Variants in ZNF609 observed in about 807,000 individuals in gnomAD.
ZNF609 encodes the protein zinc finger protein 609.
A neutral mutation model predicts 109.5 loss-of-function variants in ZNF609; 11 were observed. The observed-to-expected ratio is 0.10, with a 90% CI of 0.06 to 0.17. ZNF609 has a LOEUF of 0.17. ZNF609 is among the 10% of genes least tolerant of loss of function. The probability of loss-of-function intolerance (pLI) is 1.00; values close to 1 mark genes in which losing one functional copy is unlikely to be tolerated. For missense variants in ZNF609, 1,559 were observed against 1,772.4 expected, an observed-to-expected ratio of 0.88 and a Z score of 2.16; for synonymous variants, 646 against 662.0, an observed-to-expected ratio of 0.98 and a Z score of 0.37.
At chr15:64,468,417 G>A (rs1376432514) in intron 1 of ZNF609, among the ~76,000 whole-genome samples, 1 of 151,596 alleles carries the variant, frequency 6.6e-6, no homozygotes, top group Non-Finnish European at 1.5e-5. Context: ...CACCACACCT[G>A]GCTAATTTTT....
chr15:64,638,013 T>A (rs949577559), intron 3 of ZNF609, among the ~76,000 whole-genome samples: 1 of 139,854 alleles, frequency 7.2e-6, no homozygotes, highest in African/African-American at 2.6e-5. Flanking sequence ...TATATATATA[T>A]ATAAAATATA....
chr15:64,587,413 A>AT (rs1323792888), intron 2 of ZNF609, among the ~76,000 whole-genome samples: 58 of 152,016 alleles, frequency 3.8e-4, no homozygotes, highest in Admixed American at 9.2e-4. Context: ...GCTTCAGTAC[A>AT]TTTTTTTTCA....
chr15:64,546,793 T>C (rs1232047888), intron 2 of ZNF609, among the ~76,000 whole-genome samples: 3 of 143,796 alleles, frequency 2.1e-5, no homozygotes, highest in South Asian at 2.3e-4. Flanking sequence ...ATGTTTCTTT[T>C]TTTTTTTTTT....
rs776371058 is a variant in ZNF609, at chr15:64,674,726, T to C, written c.1872T>C (p.Phe624=). 1 of 1,614,156 alleles carries C rather than the reference T, an allele frequency of 6.2e-7. No individual in the cohort carries two copies. Among genetic ancestry groups the C allele is most frequent in the South Asian group, 1.1e-5 (1 of 91,076 alleles). The stretch of plus-strand genomic sequence containing the variant: ...TGGATGAAACAAGCAATGATGCCTT[T>C]GATTCTTTAGAAAGGAAGTGTATGG... ...SVMDETSNDA[F]DSLERKCMEK... is the part of the protein sequence containing the mutation. Residue 624 remains phenylalanine, a synonymous_variant, in exon 5 of 10, where the codon TTT becomes TTC. Coordinates refer to ENST00000326648, the MANE Select transcript of ZNF609 (RefSeq NM_015042.2).
At chr15:64,598,574 A>C (rs185861507) in intron 2 of ZNF609, among the ~76,000 whole-genome samples, 9 of 151,742 alleles carry the variant, frequency 5.9e-5, no homozygotes, top group African/African-American at 2.2e-4. Context: ...GCTCCATCAT[A>C]CTTTTTCCTT....
At chr15:64,462,202 A>G (rs1052617503) in intron 1 of ZNF609, among the ~76,000 whole-genome samples, 4 of 152,188 alleles carry the variant, frequency 2.6e-5, no homozygotes, top group South Asian at 4.1e-4. Context: ...GTGAGGAACA[A>G]TGCAGAGCTC....
At chr15:64,484,789 C>A (rs890477761) in intron 1 of ZNF609, among the ~76,000 whole-genome samples, 1 of 149,588 alleles carries the variant, frequency 6.7e-6, no homozygotes, top group African/African-American at 2.5e-5. Flanking sequence ...TCCTGGCCAA[C>A]ATGGTGAAAC....
chr15:64,588,949 C>T (rs1347330837), intron 2 of ZNF609, among the ~76,000 whole-genome samples: 1 of 152,046 alleles, frequency 6.6e-6, no homozygotes, highest in African/African-American at 2.4e-5. Flanking sequence ...TGTCTGTGGC[C>T]CTCAGTCTTA....
intron 1 of ZNF609, among the ~76,000 whole-genome samples, chr15:64,482,911 A>G (rs1490897514): frequency 6.6e-6 from 1 of 152,210 alleles, no homozygotes. Flanking sequence ...CTAGGTCTAC[A>G]GTCCCTTCGG....
At chr15:64,503,254 G>C (rs1893587479) in intron 2 of ZNF609, among the ~76,000 whole-genome samples, 1 of 152,168 alleles carries the variant, frequency 6.6e-6, no homozygotes, top group African/African-American at 2.4e-5. Flanking sequence ...TTCTAGGAGA[G>C]ACCAGAGATG....
At chr15:64,556,530 T>C (rs1028197811) in intron 2 of ZNF609, among the ~76,000 whole-genome samples, 5 of 152,188 alleles carry the variant, frequency 3.3e-5, no homozygotes, top group African/African-American at 4.8e-5. Context: ...CTATTTGCAT[T>C]TTATAGATGA....
intron 1 of ZNF609, among the ~76,000 whole-genome samples, chr15:64,468,649 C>G (rs759801475): frequency 5.7e-4 from 86 of 152,058 alleles, no homozygotes; most frequent in Non-Finnish European, 1.1e-3. Flanking sequence ...TTCCTGGACT[C>G]AAGCAGTCCT....
At chr15:64,528,939 C>A in intron 2 of ZNF609, 1 of 1,289,232 alleles carries the variant, frequency 7.8e-7, no homozygotes, top group South Asian at 1.2e-5. Flanking sequence ...GACGACAGGT[C>A]AGGTCCGCCA....
chr15:64,646,892 A>T (rs796727162), intron 3 of ZNF609, among the ~76,000 whole-genome samples: 20 of 145,242 alleles, frequency 1.4e-4, no homozygotes, highest in African/African-American at 5.2e-4. Flanking sequence ...GTGAGCCGAG[A>T]TCATGCCATG....
At chr15:64,619,676 A>G (rs1895849750) in intron 2 of ZNF609, among the ~76,000 whole-genome samples, 1 of 152,228 alleles carries the variant, frequency 6.6e-6, no homozygotes, top group Admixed American at 6.5e-5. Flanking sequence ...AACTCTGCCT[A>G]GTAACTCTAA....
At chr15:64,586,419 A>G (rs1451645153) in intron 2 of ZNF609, among the ~76,000 whole-genome samples, 1 of 152,060 alleles carries the variant, frequency 6.6e-6, no homozygotes, top group Non-Finnish European at 1.5e-5. Context: ...GTACTGGTCC[A>G]TGGCCTGTTA....
At chr15:64,647,115 G>A (rs946013590) in intron 3 of ZNF609, among the ~76,000 whole-genome samples, 8 of 150,034 alleles carry the variant, frequency 5.3e-5, no homozygotes, top group African/African-American at 2.0e-4. Context: ...CAGCCTGGGG[G>A]ACAGAGTGAG....
intron 1 of ZNF609, among the ~76,000 whole-genome samples, chr15:64,495,702 A>T (rs1216405672): frequency 1.3e-5 from 2 of 149,054 alleles, no homozygotes; most frequent in Non-Finnish European, 3.0e-5. Context: ...ACTGTGGACT[A>T]CTTTCTTTAT....
intron 2 of ZNF609, among the ~76,000 whole-genome samples, chr15:64,546,510 T>C (rs1489509777): frequency 2.0e-5 from 3 of 151,550 alleles, no homozygotes; most frequent in South Asian, 2.1e-4. Flanking sequence ...TGAGCCCTGA[T>C]TGCACAGGTT....
Sources: allele counts gnomAD v4.1 joint callset (sites outside exome capture counted in the v4.1 genomes callset), GRCh38; gene constraint gnomAD v4.1.1; transcripts MANE v1.5; gene names NCBI Gene and HGNC (gene_info 2026-07-23, HGNC 2026-07-21).